Variants in RORB observed in about 807,000 individuals in gnomAD.
The protein encoded by RORB is RAR related orphan receptor B.
A neutral mutation model predicts 59.1 loss-of-function variants in RORB; 6 were observed. That is an observed-to-expected ratio of 0.10 (90% CI 0.06 to 0.20). RORB has a LOEUF of 0.20. Among genes scored for constraint, RORB ranks in the 10% least tolerant of loss-of-function variants. The pLI is 1.00. For synonymous variants in RORB, 215 were observed against 204.5 expected (o/e 1.05, Z -0.44); for missense variants, 320 against 560.5 (o/e 0.57, Z 4.33).
chr9:74,553,437 C>T (rs1317565184), intron 1 of RORB, among the ~76,000 whole-genome samples: 2 of 152,016 alleles, frequency 1.3e-5, no homozygotes, highest in African/African-American at 4.8e-5. Context: ...TCTCAAAGGC[C>T]ATATTTTATC....
Position 74,683,760 on chromosome 9 carries a change from G to A in RORB, c.1225-1703G>A, listed in dbSNP as rs117746976. Among the ~76,000 whole-genome samples the A allele has an allele frequency of 5.9e-4, 90 of 152,062 alleles. 1 individual carries two copies. In the East Asian group the frequency reaches 0.014, roughly 24 times the overall value. ...CTTCTTACCTCCCATTTTTCCTCCCGCTATTCTTCTTTGGCACTCACCACA... is the reference window on the plus strand; with the variant it reads ...CTTCTTACCTCCCATTTTTCCTCCCACTATTCTTCTTTGGCACTCACCACA... On this transcript the variant is annotated intron_variant, in intron 9 of 9. Coordinates refer to ENST00000376896, the MANE Select transcript of RORB (RefSeq NM_006914.4).
chr9:74,691,129 C>T lies in RORB; in HGVS notation c.*5511C>T, dbSNP rs1458099431. The T allele has an allele frequency of 3.3e-5, 5 of 152,158 alleles. No homozygotes were observed. The East Asian group carries it at 7.7e-4, about 23-fold the overall frequency. The allele number at this position is 152,158 out of a possible 1,614,324, so 9.4% of individuals were successfully genotyped here. A position where few individuals can be genotyped will look rare whatever the true frequency, so the allele number is the denominator to read the frequency against. On this transcript the variant is annotated 3_prime_UTR_variant, in exon 10 of 10. Transcript: ENST00000376896. ...TTTTCCTAAGCTGCTGAAATTCCTC[C>T]GATGTGAATGGGCCATAGTAATCTT...
intron 1 of RORB, among the ~76,000 whole-genome samples, chr9:74,621,071 T>C (rs1823409641): frequency 6.6e-6 from 1 of 152,220 alleles, no homozygotes; most frequent in African/African-American, 2.4e-5. Context: ...TTTCCTCTAT[T>C]GTTATTTTGC....
chr9:74,648,393 T>C (rs996441982), intron 4 of RORB, among the ~76,000 whole-genome samples: 2 of 152,126 alleles, frequency 1.3e-5, no homozygotes, highest in African/African-American at 4.8e-5. Context: ...AATAAGACAA[T>C]TGGATCAAAT....
intron 1 of RORB, among the ~76,000 whole-genome samples, chr9:74,597,143 G>A (rs896077764): frequency 6.6e-6 from 1 of 152,348 alleles, no homozygotes; most frequent in East Asian, 1.9e-4. Context: ...CCCAGGTGAT[G>A]CAGCTGCTTC....
rs1825737283 is a variant in RORB at position 74,497,990 on chromosome 9, G to A, written c.7+7G>A. On this transcript the variant is annotated splice_region_variant and intron_variant, in intron 1 of 9. Coordinates refer to ENST00000376896, the MANE Select transcript of RORB (RefSeq NM_006914.4). ...AGCGGCCACACCATGCGAGGTAAGC[G>A]AGTCTGCGGGCACCGAGGCTCCCCG... The A allele has an allele frequency of 2.5e-6, 4 of 1,610,416 alleles. No homozygotes were observed. The highest frequency in any genetic ancestry group is 2.5e-6 in the Non-Finnish European group (3 of 1,179,538).
At chr9:74,638,847 T>C (rs189077065) in intron 3 of RORB, among the ~76,000 whole-genome samples, 2 of 152,204 alleles carry the variant, frequency 1.3e-5, no homozygotes, top group Admixed American at 6.5e-5. Flanking sequence ...AATTATAGAA[T>C]AGTATTACAG....
Position 74,692,845 on chromosome 9 carries a change from C to T in RORB, c.*7227C>T, listed in dbSNP as rs1482878435. 6.6e-6 allele frequency: 1 copy of T among 152,108 alleles called. No individual in the cohort carries two copies. The highest frequency in any genetic ancestry group is 2.4e-5 in the African/African-American group (1 of 41,420). 9.4% of individuals were successfully genotyped at this position (152,108 alleles called of 1,614,324 possible). A position where few individuals can be genotyped will look rare whatever the true frequency, so the allele number is the denominator to read the frequency against. On this transcript the variant is annotated 3_prime_UTR_variant, in exon 10 of 10. Transcript: ENST00000376896. ...TTTAAAATCTACAATTTTCTGATCT[C>T]TCTCTCCTTGTTTAATATATAAGCC...
chr9:74,546,599 G>A (rs1826499302), intron 1 of RORB, among the ~76,000 whole-genome samples: 1 of 152,188 alleles, frequency 6.6e-6, no homozygotes, highest in Non-Finnish European at 1.5e-5. Flanking sequence ...ACAGCTCAGA[G>A]GGAAATGTTC....
At chr9:74,649,814 C>T (rs1027290474) in intron 4 of RORB, among the ~76,000 whole-genome samples, 2 of 152,198 alleles carry the variant, frequency 1.3e-5, no homozygotes, top group Non-Finnish European at 2.9e-5. Flanking sequence ...TCACTACAGG[C>T]TTGTGCCTCT....
intron 9 of RORB, among the ~76,000 whole-genome samples, chr9:74,679,511 C>G (rs547596999): frequency 3.3e-5 from 5 of 152,180 alleles, no homozygotes; most frequent in African/African-American, 9.6e-5. Context: ...TTTTAAATTT[C>G]AAATCTAGAC....
chr9:74,682,742 A>T (rs1824567401), intron 9 of RORB, among the ~76,000 whole-genome samples: 1 of 152,182 alleles, frequency 6.6e-6, no homozygotes, highest in Admixed American at 6.5e-5. Flanking sequence ...TTTCAAATTC[A>T]ATGTATAATT....
rs374976964 is a variant in RORB, at chr9:74,602,657, T to A, written c.8-27625T>A. Among the ~76,000 whole-genome samples the A allele has an allele frequency of 8.5e-5, 13 of 152,338 alleles. 1 individual carries two copies. The South Asian group carries it at 2.7e-3, about 32-fold the overall frequency. On this transcript the variant is annotated intron_variant, in intron 1 of 9. Transcript: ENST00000376896. ...GGGAGACAGTTAACAATTCTTGAGT[T>A]ATGTAGCACCTTTCTCCCCCAAAAG... is the stretch of plus-strand genomic sequence containing the variant.
chr9:74,671,740 C>T (rs1563970535), intron 8 of RORB, 49 bp from the exon 9 acceptor site: 1 of 1,202,766 alleles, frequency 8.3e-7, no homozygotes, highest in Non-Finnish European at 1.2e-6. Context: ...GTGGGTGAAG[C>T]AAAACAAAGT....
intron 9 of RORB, among the ~76,000 whole-genome samples, chr9:74,683,812 G>T (rs1371987113): frequency 6.6e-6 from 1 of 151,988 alleles, no homozygotes; most frequent in South Asian, 2.1e-4. Context: ...TTGACTGTGT[G>T]GTAAACTTAT....
intron 1 of RORB, among the ~76,000 whole-genome samples, chr9:74,547,529 A>G (rs986555166): frequency 2.6e-5 from 4 of 152,204 alleles, no homozygotes; most frequent in Admixed American, 2.6e-4. Flanking sequence ...GCAATTTTAA[A>G]TAGAGTTGTC....
At chr9:74,649,497 A>G (rs1823956949) in intron 4 of RORB, among the ~76,000 whole-genome samples, 1 of 152,170 alleles carries the variant, frequency 6.6e-6, no homozygotes, top group African/African-American at 2.4e-5. Flanking sequence ...TAACCAGTCT[A>G]TGACTATGAA....
intron 4 of RORB, among the ~76,000 whole-genome samples, chr9:74,648,031 T>C (rs923603834): frequency 1.3e-5 from 2 of 152,236 alleles, no homozygotes; most frequent in African/African-American, 4.8e-5. Flanking sequence ...ATATTTCCTG[T>C]GTCCTGTGAT....
At position 74,594,693 on chromosome 9, in the gene RORB, T is replaced by G. The variant is rs1439854723; in HGVS notation, c.8-35589T>G. ...TTGCAGTTTTACTTTCTTCTTTACATCTCTGGCTGCAGTCTATAAAGTTTT... is the reference window on the plus strand; with the variant it reads ...TTGCAGTTTTACTTTCTTCTTTACAGCTCTGGCTGCAGTCTATAAAGTTTT... On this transcript the variant is annotated intron_variant, in intron 1 of 9. Transcript: ENST00000376896. Among the ~76,000 whole-genome samples the G allele has an allele frequency of 2.0e-5, 3 of 152,130 alleles. No homozygotes were observed. The East Asian group carries it at 5.8e-4, about 29-fold the overall frequency.
Sources: allele counts gnomAD v4.1 joint callset (sites outside exome capture counted in the v4.1 genomes callset), GRCh38; gene constraint gnomAD v4.1.1; transcripts MANE v1.5; gene names NCBI Gene and HGNC (gene_info 2026-07-23, HGNC 2026-07-21).